STX8: variants seen among roughly 807,000 people sequenced by gnomAD.
STX8 encodes syntaxin 8.
A neutral mutation model predicts 37.5 loss-of-function variants in STX8; 23 were observed. The ratio of observed to expected loss-of-function variants is 0.61; its 90% CI spans 0.44 to 0.87. The LOEUF (loss-of-function observed/expected upper bound fraction) is 0.87. STX8 is among the 40% of genes least tolerant of loss of function. The pLI is 0.00. For synonymous variants in STX8, 115 were observed against 99.1 expected (o/e 1.16, Z -0.95); for missense variants, 313 against 284.7 (o/e 1.10, Z -0.71).
chr17:9,544,367 A>G (rs4791852), intron 4 of STX8, among the ~76,000 whole-genome samples: 56,368 of 151,886 alleles, frequency 0.37, 10,770 homozygotes, highest in South Asian at 0.44. Context: ...TTCCAGCAGA[A>G]CCGGGCTCAG....
chr17:9,491,922 C>T lies in STX8; in HGVS notation c.449-1G>A, dbSNP rs761859922. On this transcript the variant is annotated splice_acceptor_variant, in intron 5 of 7. Transcript: ENST00000306357. LOFTEE classifies it high-confidence loss of function. ...AGGGCATCAAGGCCTGCGTCCTGTTCTGAAAGAAAAAAGAAAAATAATTAA... is the reference window on the plus strand; with the variant it reads ...AGGGCATCAAGGCCTGCGTCCTGTTTTGAAAGAAAAAAGAAAAATAATTAA... The T allele has an allele frequency of 1.2e-6, 2 of 1,600,710 alleles. No homozygotes were observed. Among genetic ancestry groups the T allele is most frequent in the South Asian group, 1.1e-5 (1 of 87,840 alleles).
At chr17:9,503,908 G>A (rs912430776) in intron 5 of STX8, among the ~76,000 whole-genome samples, 14 of 152,110 alleles carry the variant, frequency 9.2e-5, no homozygotes, top group African/African-American at 3.1e-4. Flanking sequence ...AGGACTACAG[G>A]TGCGTGCCAC....
intron 7 of STX8, among the ~76,000 whole-genome samples, chr17:9,314,719 A>G (rs1464393147): frequency 6.7e-6 from 1 of 149,786 alleles, no homozygotes; most frequent in Non-Finnish European, 1.5e-5. Context: ...CTTATCTTTT[A>G]TATCTGTATA....
At chr17:9,373,100 T>A (rs1331692711) in intron 7 of STX8, among the ~76,000 whole-genome samples, 2 of 124,772 alleles carry the variant, frequency 1.6e-5, no homozygotes. Context: ...GCAAGAAGAC[T>A]CCATCTCAAA....
chr17:9,422,017 CT>C (rs1913449793), intron 6 of STX8, among the ~76,000 whole-genome samples: 1 of 152,112 alleles, frequency 6.6e-6, no homozygotes, highest in Admixed American at 6.5e-5. Context: ...TTCCTGAGGC[CT>C]CGCCGAGCCA....
chr17:9,505,504 G>T (rs941265863), intron 4 of STX8, among the ~76,000 whole-genome samples: 1 of 152,114 alleles, frequency 6.6e-6, no homozygotes, highest in African/African-American at 2.4e-5. Flanking sequence ...GCCGAACAGC[G>T]GCCTTTTTAT....
Position 9,328,596 on chromosome 17 carries a change from G to A in STX8, c.643+49956C>T, listed in dbSNP as rs185462628. 2.1e-3 allele frequency among the ~76,000 whole-genome samples: 317 copies of A among 152,284 alleles called. 4 individuals are homozygous for A. Among genetic ancestry groups the A allele is most frequent in the African/African-American group, 6.8e-3 (284 of 41,562 alleles). ...GACTTGATCACGGGTGACAAACGCT[G>A]AGGTTGGCCAGCTCCCAGTTGTACT... is the stretch of plus-strand genomic sequence containing the variant. On this transcript the variant is annotated intron_variant, in intron 7 of 7. Transcript: ENST00000306357.
At chr17:9,474,026 C>CTGA (rs934158864) in intron 6 of STX8, among the ~76,000 whole-genome samples, 30 of 152,182 alleles carry the variant, frequency 2.0e-4, no homozygotes, top group African/African-American at 6.8e-4. Context: ...AGTCAAGTGG[C>CTGA]TGATGATGTC....
chr17:9,443,731 T>G (rs1904743234), intron 6 of STX8, among the ~76,000 whole-genome samples: 1 of 152,190 alleles, frequency 6.6e-6, no homozygotes, highest in South Asian at 2.1e-4. Context: ...GAACCCCTAC[T>G]CTTCTCTAAG....
chr17:9,489,334 T>C (rs1906746913), intron 6 of STX8, among the ~76,000 whole-genome samples: 1 of 152,140 alleles, frequency 6.6e-6, no homozygotes, highest in African/African-American at 2.4e-5. Flanking sequence ...CCTGGGCTCT[T>C]GGAGTTTTAA....
intron 4 of STX8, among the ~76,000 whole-genome samples, chr17:9,526,619 C>T (rs76290016): frequency 0.024 from 3,593 of 152,330 alleles, 67 homozygotes; most frequent in Non-Finnish European, 0.039. Context: ...CGCCTGTAAT[C>T]CCAGCACTTT....
chr17:9,373,808 G>A (rs1004395636), intron 7 of STX8, among the ~76,000 whole-genome samples: 5 of 151,978 alleles, frequency 3.3e-5, no homozygotes, highest in Non-Finnish European at 5.9e-5. Flanking sequence ...ATGTGGTGGC[G>A]CATGCCTGTA....
intron 7 of STX8, among the ~76,000 whole-genome samples, chr17:9,338,204 C>T (rs1910202703): frequency 6.6e-6 from 1 of 152,002 alleles, no homozygotes; most frequent in South Asian, 2.1e-4. Flanking sequence ...CAGGTGCCCG[C>T]CACCACGCCC....
chr17:9,402,401 G>A (rs980642206), intron 6 of STX8, among the ~76,000 whole-genome samples: 73 of 152,234 alleles, frequency 4.8e-4, no homozygotes, highest in Admixed American at 3.9e-3. Flanking sequence ...GATTACAGGC[G>A]TGAGTCACCG....
chr17:9,420,792 A>G (rs1365775391), intron 6 of STX8, among the ~76,000 whole-genome samples: 2 of 152,210 alleles, frequency 1.3e-5, no homozygotes, highest in Non-Finnish European at 2.9e-5. Context: ...GCTTATTTTC[A>G]GTCTTCCGTC....
Position 9,510,031 on chromosome 17 carries a change from C to A in STX8, c.324-4869G>T, listed in dbSNP as rs544792183. Among the ~76,000 whole-genome samples, 6 of 152,036 alleles carry A rather than the reference C, an allele frequency of 3.9e-5. No homozygotes were observed. The South Asian group carries it at 1.2e-3, about 32-fold the overall frequency. ...TCAAGTCAAAAGTTGTGAAATTAGA[C>A]AAAGAAGGACATTACATAATAATAA... is the stretch of plus-strand genomic sequence containing the variant. On this transcript the variant is annotated intron_variant, in intron 4 of 7. Transcript: ENST00000306357.
At chr17:9,552,182 T>A (rs1401971874) in intron 3 of STX8, among the ~76,000 whole-genome samples, 1 of 151,950 alleles carries the variant, frequency 6.6e-6, no homozygotes, top group Non-Finnish European at 1.5e-5. Flanking sequence ...AGACCCCATC[T>A]CTACAAAAAA....
chr17:9,257,834 C>CA (rs757663485), intron 7 of STX8, among the ~76,000 whole-genome samples: 2 of 152,108 alleles, frequency 1.3e-5, no homozygotes, highest in African/African-American at 2.4e-5. Flanking sequence ...CTAAAAAATG[C>CA]AAAAATTAGC....
intron 6 of STX8, among the ~76,000 whole-genome samples, chr17:9,465,791 G>A (rs62063658): frequency 0.11 from 17,480 of 152,062 alleles, 1,344 homozygotes; most frequent in Non-Finnish European, 0.17. Flanking sequence ...CTGCATATAC[G>A]CGATCCCATT....
Sources: allele counts gnomAD v4.1 joint callset (sites outside exome capture counted in the v4.1 genomes callset), GRCh38; gene constraint gnomAD v4.1.1; transcripts MANE v1.5; gene names NCBI Gene and HGNC (gene_info 2026-07-23, HGNC 2026-07-21).